DYNC1I1: variants seen among roughly 807,000 people sequenced by gnomAD.
The protein encoded by DYNC1I1 is dynein cytoplasmic 1 intermediate chain 1.
Under a neutral mutation model 86.6 loss-of-function variants are expected in DYNC1I1, and 43 were observed. That is an observed-to-expected ratio of 0.50 (90% CI 0.39 to 0.64). The LOEUF (loss-of-function observed/expected upper bound fraction) is 0.64, where lower values mean the gene tolerates loss of function less well. DYNC1I1 is among the 30% of genes least tolerant of loss of function. DYNC1I1 has a pLI of 0.00. For missense variants in DYNC1I1, 604 were observed against 788.8 expected, an observed-to-expected ratio of 0.77 and a Z score of 2.81; for synonymous variants, 262 against 283.7, an observed-to-expected ratio of 0.92 and a Z score of 0.77.
At position 95,904,748 on chromosome 7, in the gene DYNC1I1, A is replaced by G. The variant is rs564408907; in HGVS notation, c.490+34750A>G. Among the ~76,000 whole-genome samples, 6 of 152,266 alleles carry G rather than the reference A, an allele frequency of 3.9e-5. No individual in the cohort carries two copies. In the South Asian group the frequency reaches 1.0e-3, roughly 26 times the overall value. On this transcript the variant is annotated intron_variant, in intron 6 of 16. Transcript: ENST00000447467. ...GGAATGTGATCTTGAATTCTTGGAA[A>G]ACTTTTTCCTTGACATCCAATATCT...
chr7:95,807,426 C>A (rs2115811277), intron 2 of DYNC1I1, among the ~76,000 whole-genome samples: 1 of 152,186 alleles, frequency 6.6e-6, no homozygotes, highest in Middle Eastern at 3.4e-3. Flanking sequence ...AGATCAGAAA[C>A]CTGAAGTCAC....
intron 14 of DYNC1I1, among the ~76,000 whole-genome samples, chr7:96,058,889 C>T (rs1562988898): frequency 6.6e-6 from 1 of 150,840 alleles, no homozygotes; most frequent in Admixed American, 6.6e-5. Context: ...GGTGATCCAC[C>T]AGCCTCGGCC....
chr7:96,028,655 G>T (rs902776529), intron 11 of DYNC1I1, among the ~76,000 whole-genome samples: 1 of 152,190 alleles, frequency 6.6e-6, no homozygotes, highest in Non-Finnish European at 1.5e-5. Context: ...GTGGAAACAC[G>T]TATTTTCAAA....
At chr7:95,817,263 T>C (rs2115864456) in intron 4 of DYNC1I1, among the ~76,000 whole-genome samples, 1 of 152,214 alleles carries the variant, frequency 6.6e-6, no homozygotes, top group Middle Eastern at 3.4e-3. Flanking sequence ...TTCTGCTTTT[T>C]ACCAATGAGG....
chr7:96,080,123 GT>G (rs1790468072), intron 15 of DYNC1I1, among the ~76,000 whole-genome samples: 1 of 152,072 alleles, frequency 6.6e-6, no homozygotes, highest in African/African-American at 2.4e-5. Context: ...CGGTGACTAT[GT>G]AAAAAGACTC....
At position 96,076,039 on chromosome 7, in the gene DYNC1I1, G is replaced by A. The variant is rs764906879; in HGVS notation, c.1510-18G>A. 6 of 1,609,216 alleles carry A rather than the reference G, an allele frequency of 3.7e-6. No individual in the cohort carries two copies. The highest frequency in any genetic ancestry group is 5.1e-6 in the Non-Finnish European group (6 of 1,176,492). On this transcript the variant is annotated intron_variant, in intron 14 of 16. Coordinates refer to ENST00000447467, the MANE Select transcript of DYNC1I1 (RefSeq NM_001135556.2). ...AGCAGCAGCGCCACAAAGTCTTCAC[G>A]GTCTCTCTGCTTTACAGCACAACAA...
intron 1 of DYNC1I1, among the ~76,000 whole-genome samples, chr7:95,798,029 ATACT>A (rs1200162302): frequency 6.6e-6 from 1 of 152,178 alleles, no homozygotes; most frequent in African/African-American, 2.4e-5. Context: ...AAATAATTAA[ATACT>A]TAAAGTTTTA....
intron 7 of DYNC1I1, among the ~76,000 whole-genome samples, chr7:95,983,385 G>T (rs1357514726): frequency 1.3e-5 from 2 of 152,126 alleles, no homozygotes; most frequent in African/African-American, 2.4e-5. Flanking sequence ...GATGAATCAC[G>T]TGTTGCCCTA....
chr7:96,029,937 G>A lies in DYNC1I1; in HGVS notation c.1116+1616G>A, dbSNP rs552543244. Among the ~76,000 whole-genome samples the A allele has an allele frequency of 5.3e-5, 8 of 151,632 alleles. No homozygotes were observed. In the South Asian group the frequency reaches 6.2e-4, roughly 12 times the overall value. On this transcript the variant is annotated intron_variant, in intron 11 of 16. Coordinates refer to ENST00000447467, the MANE Select transcript of DYNC1I1 (RefSeq NM_001135556.2). ...AAAAAAAAAAAGAAAGAAAAAGAAA[G>A]GAAAAAGAAACAAAACTTGTCCACT...
chr7:95,976,786 A>G (rs950398951), intron 6 of DYNC1I1, among the ~76,000 whole-genome samples: 1 of 152,110 alleles, frequency 6.6e-6, no homozygotes, highest in Non-Finnish European at 1.5e-5. Flanking sequence ...TTCAAACACT[A>G]TATAATGGAA....
intron 3 of DYNC1I1, among the ~76,000 whole-genome samples, chr7:95,812,850 C>G (rs1794859934): frequency 6.6e-6 from 1 of 151,948 alleles, no homozygotes; most frequent in African/African-American, 2.4e-5. Flanking sequence ...TTATAGACAC[C>G]TTGTTTTATT....
chr7:95,891,539 G>A (rs1442839453), intron 6 of DYNC1I1, among the ~76,000 whole-genome samples: 3 of 152,224 alleles, frequency 2.0e-5, no homozygotes, highest in Admixed American at 6.5e-5. Context: ...CACTATTGGT[G>A]TCAGGTTGGT....
At chr7:95,973,339 A>G (rs1793221936) in intron 6 of DYNC1I1, among the ~76,000 whole-genome samples, 1 of 152,216 alleles carries the variant, frequency 6.6e-6, no homozygotes, top group Admixed American at 6.5e-5. Flanking sequence ...TTGCAAATCC[A>G]CCAAAACACT....
intron 5 of DYNC1I1, among the ~76,000 whole-genome samples, chr7:95,850,383 A>G (rs182103760): frequency 6.6e-6 from 1 of 152,232 alleles, no homozygotes; most frequent in East Asian, 1.9e-4. Flanking sequence ...CATTCCTTCT[A>G]TACCTAATTT....
chr7:95,976,463 T>A (rs940911435), intron 6 of DYNC1I1, among the ~76,000 whole-genome samples: 2 of 152,206 alleles, frequency 1.3e-5, no homozygotes, highest in African/African-American at 4.8e-5. Context: ...TTCTAAGTGA[T>A]TGGTGCTGAA....
Position 95,995,979 on chromosome 7 carries a change from A to G in DYNC1I1, c.875A>G (p.Asn292Ser), listed in dbSNP as rs143419715. ...YPELMVASYNNNEDAPHEPDG... is the reference protein window; with the variant it reads ...YPELMVASYNSNEDAPHEPDG... The stretch of plus-strand genomic sequence containing the variant: ...GAGCTGATGGTGGCTTCTTACAACA[A>G]CAATGAAGATGCTCCCCATGAACCA... The change falls in exon 10 of 17, where the codon AAC becomes AGC. Residue 292 changes from asparagine to serine, a missense_variant. Asn to Ser is a conservative substitution (Grantham distance 46). Transcript: ENST00000447467. 8.1e-6 allele frequency: 13 copies of G among 1,610,058 alleles called. No individual in the cohort carries two copies. The highest frequency in any genetic ancestry group is 3.3e-4 in the Middle Eastern group (2 of 6,030).
intron 1 of DYNC1I1, among the ~76,000 whole-genome samples, chr7:95,774,910 A>G (rs915993710): frequency 1.3e-5 from 2 of 152,246 alleles, no homozygotes; most frequent in Non-Finnish European, 2.9e-5. Flanking sequence ...TTAACGTAGC[A>G]TCAAATGAAA....
intron 6 of DYNC1I1, among the ~76,000 whole-genome samples, chr7:95,902,323 T>C (rs546176185): frequency 1.3e-5 from 2 of 152,314 alleles, no homozygotes; most frequent in South Asian, 4.1e-4. Flanking sequence ...AGGGATCCAT[T>C]TAGTTGCCTC....
chr7:95,795,301 T>TTTTAACTCTTCCA (rs149515965), intron 1 of DYNC1I1, among the ~76,000 whole-genome samples: 5 of 152,278 alleles, frequency 3.3e-5, no homozygotes, highest in East Asian at 1.9e-4. Context: ...GACATTTCCA[T>TTTTAACTCTTCCA]TTTAACTCTT....
Sources: gnomAD v4.1 joint callset for allele counts (sites outside exome capture counted in the v4.1 genomes callset) on GRCh38, gnomAD v4.1.1 for gene constraint, MANE v1.5 for transcripts, NCBI Gene and HGNC (gene_info 2026-07-23, HGNC 2026-07-21) for gene names.